Variants in MYOM2 observed in about 807,000 individuals in gnomAD.
The protein encoded by MYOM2 is myomesin 2, also known as myomesin-2.
A neutral mutation model predicts 187.6 loss-of-function variants in MYOM2; 254 were observed. That is an observed-to-expected ratio of 1.35 (90% CI 1.22 to 1.50). The LOEUF is 1.50. Ranked by LOEUF, MYOM2 falls within the 40% of genes most tolerant of loss-of-function variation. MYOM2 has a pLI of 0.00. For synonymous variants in MYOM2, 981 were observed against 753.8 expected, an observed-to-expected ratio of 1.30 and a Z score of -4.94; for missense variants, 2,796 against 1,924.0, an observed-to-expected ratio of 1.45 and a Z score of -8.48.
chr8:2,088,457 G>A (rs1489404658), intron 14 of MYOM2, among the ~76,000 whole-genome samples: 3 of 152,102 alleles, frequency 2.0e-5, no homozygotes, highest in Admixed American at 6.5e-5. Context: ...AGTGTCTATC[G>A]TTGCCATCTT....
chr8:2,117,860 T>G (rs1356247235), intron 27 of MYOM2, 25 bp from the exon 28 acceptor site: 2 of 1,589,436 alleles, frequency 1.3e-6, no homozygotes, highest in African/African-American at 1.4e-5. Flanking sequence ...TTTTTATATG[T>G]TTTCTTCCCT....
At chr8:2,048,662 G>A (rs1262263356) in intron 1 of MYOM2, among the ~76,000 whole-genome samples, 4 of 152,180 alleles carry the variant, frequency 2.6e-5, no homozygotes, top group Admixed American at 2.6e-4. Flanking sequence ...GTCAGAATTC[G>A]ATCCCAGGTC....
intron 6 of MYOM2, 73 bp from the exon 7 acceptor site, chr8:2,069,205 C>T: frequency 7.0e-7 from 1 of 1,437,994 alleles, no homozygotes; most frequent in Non-Finnish European, 9.6e-7. Context: ...TCGAGGAATG[C>T]TTTTGTGCAA....
intron 13 of MYOM2, among the ~76,000 whole-genome samples, chr8:2,082,577 G>A (rs1819666292): frequency 6.6e-6 from 1 of 152,104 alleles, no homozygotes; most frequent in African/African-American, 2.4e-5. Flanking sequence ...CATTTGAATG[G>A]CTATCCATGC....
At chr8:2,143,544 C>A in intron 36 of MYOM2, 88 bp downstream of exon 36, 1 of 1,500,528 alleles carries the variant, frequency 6.7e-7, no homozygotes, top group East Asian at 2.3e-5. Flanking sequence ...AGAGGGAACC[C>A]AGTGAGGGGC....
chr8:2,093,584 A>G (rs1401443893), intron 16 of MYOM2, among the ~76,000 whole-genome samples: 1 of 152,236 alleles, frequency 6.6e-6, no homozygotes. Flanking sequence ...AGCCTAGTCC[A>G]TCTGACTTCC....
At chr8:2,087,421 G>A (rs912371328) in intron 14 of MYOM2, among the ~76,000 whole-genome samples, 1 of 152,118 alleles carries the variant, frequency 6.6e-6, no homozygotes, top group Non-Finnish European at 1.5e-5. Flanking sequence ...TATCTGGGGG[G>A]TAGAAACTAG....
intron 20 of MYOM2, 51 bp from the exon 21 acceptor site, chr8:2,102,616 G>A: frequency 7.6e-7 from 1 of 1,323,574 alleles, no homozygotes; most frequent in Non-Finnish European, 1.1e-6. Context: ...AAACTCCACA[G>A]TCATCTTTAT....
intron 13 of MYOM2, 73 bp downstream of exon 13, chr8:2,079,686 G>A (rs1819556739): frequency 2.0e-6 from 3 of 1,510,470 alleles, no homozygotes; most frequent in South Asian, 2.2e-5. Flanking sequence ...TGGGAGAGAT[G>A]GACAGAGAAC....
chr8:2,085,493 T>TGTCGTGATCTCTGCGTGGCCTCC (rs1819801495), intron 14 of MYOM2, 103 bp downstream of exon 14: 3 of 1,148,394 alleles, frequency 2.6e-6, no homozygotes, highest in Non-Finnish European at 2.3e-6. Context: ...GCGTGGCCCC[T>TGTCGTGATCTCTGCGTGGCCTCC]CACTGTTGTG....
At chr8:2,085,144 C>G (rs1563443284) in intron 13 of MYOM2, 119 bp from the exon 14 acceptor site, 1 of 1,308,840 alleles carries the variant, frequency 7.6e-7, no homozygotes, top group African/African-American at 1.5e-5. Flanking sequence ...TTTGACTTCC[C>G]CAAATAGAAA....
chr8:2,050,758 C>G lies in MYOM2; in HGVS notation c.-9C>G, dbSNP rs769856689. 6 of 1,595,398 alleles carry G rather than the reference C, an allele frequency of 3.8e-6. No homozygotes were observed. The highest frequency in any genetic ancestry group is 1.7e-5 in the Admixed American group (1 of 59,940). On this transcript the variant is annotated 5_prime_UTR_variant, in exon 2 of 37. Transcript: ENST00000262113. The stretch of plus-strand genomic sequence containing the variant: ...TTGTGTGTGACTCTCTTTGTAGGAG[C>G]ACGCCAAGATGTCCCTTGTGACTGT...
At position 2,079,602 on chromosome 8, in the gene MYOM2, A is replaced by G. The variant is rs1167061281; in HGVS notation, c.1505A>G (p.Asp502Gly). Residue 502 changes from aspartate to glycine, a missense_variant, in exon 13 of 37, where the codon GAT becomes GGT. Asp to Gly is a moderately conservative substitution (Grantham distance 94). Coordinates refer to ENST00000262113, the MANE Select transcript of MYOM2 (RefSeq NM_003970.4). ...EGEKEIAIYQDDLEGDAQVPG... is the reference protein window; with the variant it reads ...EGEKEIAIYQGDLEGDAQVPG... ...GAGAAGGAGATTGCCATTTATCAGG[A>G]TGACCTTGAAGGTAAGTAGCACCTC... is the stretch of plus-strand genomic sequence containing the variant. 1.2e-6 allele frequency: 2 copies of G among 1,614,164 alleles called. No homozygotes were observed. The highest frequency in any genetic ancestry group is 1.7e-6 in the Non-Finnish European group (2 of 1,180,020).
rs62478428 is a variant in MYOM2 at position 2,114,509 on chromosome 8, T to A, written c.3181-1451T>A. On this transcript the variant is annotated intron_variant, in intron 25 of 36. Coordinates refer to ENST00000262113, the MANE Select transcript of MYOM2 (RefSeq NM_003970.4). ...CTTTTTTTGAGACAGAGTCTCACTC[T>A]GTTGCCCAGGCTGGAGTGCAGTGAC... Among the ~76,000 whole-genome samples, 668 of 152,334 alleles carry A rather than the reference T, an allele frequency of 4.4e-3. 5 individuals carry two copies. Among genetic ancestry groups the A allele is most frequent in the Middle Eastern group, 0.01 (3 of 294 alleles).
chr8:2,109,419 C>T lies in MYOM2; in HGVS notation c.3068C>T (p.Ala1023Val). 1 of 1,610,848 alleles carries T rather than the reference C, an allele frequency of 6.2e-7. No homozygotes were observed. Among genetic ancestry groups the T allele is most frequent in the East Asian group, 2.2e-5 (1 of 44,602 alleles). The change falls in exon 25 of 37, where the codon GCT becomes GTT. Residue 1023 changes from alanine (A) to valine (V), a missense_variant. Coordinates refer to ENST00000262113, the MANE Select transcript of MYOM2 (RefSeq NM_003970.4). ...GCAATTCCTCTGAAATCGGAATTAG[C>T]TTATGAGATTTTTGATAAGGGGCGG... ...NPTIPLKSEL[A>V]YEIFDKGRVR... is the part of the protein sequence containing the mutation.
Position 2,079,550 on chromosome 8 carries a change from C to T in MYOM2, c.1463-10C>T. 1.2e-6 allele frequency: 2 copies of T among 1,614,076 alleles called. No individual in the cohort carries two copies. The highest frequency in any genetic ancestry group is 4.5e-5 in the East Asian group (2 of 44,852). ...CATGTCAAATCGAGTGTCAACCTTT[C>T]TCTCCGCAGCCGTTCATTTGGAGGG... On this transcript the variant is annotated splice_polypyrimidine_tract_variant and intron_variant, in intron 12 of 36. Transcript: ENST00000262113.
At chr8:2,128,504 A>C (rs886367249) in intron 31 of MYOM2, among the ~76,000 whole-genome samples, 1 of 152,220 alleles carries the variant, frequency 6.6e-6, no homozygotes, top group African/African-American at 2.4e-5. Flanking sequence ...TGCCTTCATC[A>C]GTGCTACTTC....
chr8:2,092,513 TA>T lies in MYOM2; in HGVS notation c.1997del (p.Tyr666SerfsTer9), dbSNP rs774316781. 1 of 1,613,924 alleles carries T rather than the reference TA, an allele frequency of 6.2e-7. No homozygotes were observed. Among genetic ancestry groups the T allele is most frequent in the Non-Finnish European group, 8.5e-7 (1 of 1,179,974 alleles). ...WEPCNHKPIG[Y>X]NRFVVHGLTT... ...GCCCTGCAACCACAAGCCCATCGGATACAACAGGTGCGGCCTCCCTCCCCAG... is the reference window on the plus strand; with the variant it reads ...GCCCTGCAACCACAAGCCCATCGGATCAACAGGTGCGGCCTCCCTCCCCAG... On this transcript the variant is annotated frameshift_variant, in exon 16 of 37. Transcript: ENST00000262113. LOFTEE classifies it high-confidence loss of function.
Position 2,094,092 on chromosome 8 carries a change from G to A in MYOM2, c.2125+1G>A. 6.2e-7 allele frequency: 1 copy of A among 1,614,108 alleles called. No individual in the cohort carries two copies. The highest frequency in any genetic ancestry group is 1.1e-5 in the South Asian group (1 of 91,078). ...GTCATAAAAGTGCAGGCCGCACTCA[G>A]TAAGTCACTCACAGGCTGTTGTGTG... On this transcript the variant is annotated splice_donor_variant, in intron 17 of 36. Transcript: ENST00000262113. LOFTEE classifies it high-confidence loss of function.
Sources: gnomAD v4.1 joint callset for allele counts (sites outside exome capture counted in the v4.1 genomes callset) on GRCh38, gnomAD v4.1.1 for gene constraint, MANE v1.5 for transcripts, NCBI Gene and HGNC (gene_info 2026-07-23, HGNC 2026-07-21) for gene names.